Variants in CSMD1 observed in about 807,000 individuals in gnomAD.
CSMD1 encodes CUB and Sushi multiple domains 1.
A neutral mutation model predicts 417.5 loss-of-function variants in CSMD1; 213 were observed. The observed-to-expected ratio is 0.51, with a 90% CI of 0.46 to 0.57. CSMD1 has a LOEUF of 0.57. Ranked by LOEUF, CSMD1 falls within the 20% of genes least tolerant of loss-of-function variation. The probability of loss-of-function intolerance (pLI) is 0.00; values close to 1 mark genes in which losing one functional copy is unlikely to be tolerated. For synonymous variants in CSMD1, 2,862 were observed against 1,736.8 expected, an observed-to-expected ratio of 1.65 and a Z score of -16.11; for missense variants, 6,923 against 4,529.7, an observed-to-expected ratio of 1.53 and a Z score of -15.17.
intron 10 of CSMD1, among the ~76,000 whole-genome samples, chr8:3,559,492 G>A (rs1373937438): frequency 3.3e-5 from 5 of 150,040 alleles, no homozygotes; most frequent in East Asian, 2.0e-4. Context: ...TAAAGGCACC[G>A]TGAAGAAGAA....
intron 1 of CSMD1, among the ~76,000 whole-genome samples, chr8:4,752,098 T>C (rs983350627): frequency 3.3e-5 from 5 of 152,312 alleles, no homozygotes; most frequent in Non-Finnish European, 5.9e-5. Context: ...TGTGTGTACA[T>C]GTATCACATA....
chr8:3,604,820 T>G (rs1360332716), intron 8 of CSMD1, among the ~76,000 whole-genome samples: 1 of 152,116 alleles, frequency 6.6e-6, no homozygotes, highest in African/African-American at 2.4e-5. Flanking sequence ...ATAGCATTTC[T>G]CTCTTGATGA....
intron 36 of CSMD1, among the ~76,000 whole-genome samples, chr8:3,182,422 C>G (rs1430930444): frequency 6.6e-6 from 1 of 152,094 alleles, no homozygotes; most frequent in Non-Finnish European, 1.5e-5. Flanking sequence ...ACCATGTTGG[C>G]CAGGCTGGTC....
chr8:3,798,733 A>C (rs1405558178), intron 5 of CSMD1, among the ~76,000 whole-genome samples: 1 of 152,090 alleles, frequency 6.6e-6, no homozygotes, highest in East Asian at 1.9e-4. Flanking sequence ...CATATACAAA[A>C]ATGTCACTAT....
chr8:3,007,489 T>C (rs1185532169), intron 52 of CSMD1, among the ~76,000 whole-genome samples: 1 of 151,392 alleles, frequency 6.6e-6, no homozygotes, highest in Non-Finnish European at 1.5e-5. Flanking sequence ...TATTGCGGCA[T>C]TATTCACAAT....
intron 3 of CSMD1, among the ~76,000 whole-genome samples, chr8:4,063,517 G>A (rs932051703): frequency 7.9e-5 from 12 of 152,130 alleles, no homozygotes; most frequent in African/African-American, 2.4e-4. Context: ...TATTCTGTGT[G>A]CCACAGTTTT....
chr8:4,566,674 AAAAAG>A (rs1798627325), intron 2 of CSMD1, among the ~76,000 whole-genome samples: 3 of 149,160 alleles, frequency 2.0e-5, no homozygotes, highest in Admixed American at 1.3e-4. Flanking sequence ...AAAAAAAAAA[AAAAAG>A]AAAGCTAGTT....
At chr8:4,489,313 A>G (rs949134641) in intron 2 of CSMD1, among the ~76,000 whole-genome samples, 1 of 152,224 alleles carries the variant, frequency 6.6e-6, no homozygotes, top group Admixed American at 6.5e-5. Flanking sequence ...CAAAGATTCA[A>G]TGCATAAGGA....
intron 10 of CSMD1, among the ~76,000 whole-genome samples, chr8:3,528,921 T>C (rs775646471): frequency 2.0e-5 from 3 of 151,586 alleles, no homozygotes; most frequent in Non-Finnish European, 2.9e-5. Context: ...AAAAATATGA[T>C]AAATAATATA....
chr8:3,209,163 G>C (rs371218233), intron 30 of CSMD1, among the ~76,000 whole-genome samples: 1 of 152,244 alleles, frequency 6.6e-6, no homozygotes, highest in East Asian at 1.9e-4. Flanking sequence ...TTGATAAATA[G>C]TGCTTGTGCC....
intron 1 of CSMD1, among the ~76,000 whole-genome samples, chr8:4,660,782 G>A (rs974328519): frequency 1.3e-5 from 2 of 151,868 alleles, no homozygotes; most frequent in Non-Finnish European, 2.9e-5. Context: ...CAGCCATAAA[G>A]CCAACAATCC....
At chr8:4,304,587 T>C (rs1249565738) in intron 3 of CSMD1, among the ~76,000 whole-genome samples, 2 of 152,122 alleles carry the variant, frequency 1.3e-5, no homozygotes, top group Non-Finnish European at 2.9e-5. Context: ...CTTTGAAATG[T>C]CAAATCCTCT....
intron 4 of CSMD1, 58 bp from the exon 5 acceptor site, chr8:3,998,168 G>A (rs1202277401): frequency 7.0e-7 from 1 of 1,436,312 alleles, no homozygotes; most frequent in East Asian, 2.5e-5. Flanking sequence ...TCATACACGA[G>A]TGTGTCCACC....
intron 3 of CSMD1, among the ~76,000 whole-genome samples, chr8:4,060,380 G>T (rs996802572): frequency 1.3e-5 from 2 of 152,162 alleles, no homozygotes; most frequent in Non-Finnish European, 2.9e-5. Flanking sequence ...TTGCAAACTG[G>T]CACAAGACAG....
chr8:3,031,223 C>T (rs1299035998), intron 50 of CSMD1, among the ~76,000 whole-genome samples: 2 of 148,312 alleles, frequency 1.3e-5, no homozygotes, highest in African/African-American at 5.1e-5. Flanking sequence ...TCACCAAAAA[C>T]ATGCACCGCA....
chr8:4,678,284 A>T (rs562000291), intron 1 of CSMD1, among the ~76,000 whole-genome samples: 6 of 152,092 alleles, frequency 3.9e-5, no homozygotes, highest in African/African-American at 1.4e-4. Context: ...GGTGGCACGC[A>T]CCTGTAGTCC....
At position 4,637,529 on chromosome 8, in the gene CSMD1, G is replaced by T. The variant is rs780409660; in HGVS notation, c.115C>A (p.Pro39Thr). ...CCTGGGCTCTCAATAGTGCCATTGG[G>T]ACCCTGGACTAAGCCTCCACAGTTC... Reference protein sequence around the residue: ...GQNCGGLVQGPNGTIESPGFP... With the variant: ...GQNCGGLVQGTNGTIESPGFP... The change falls in exon 2 of 70, where the codon CCC becomes ACC. Residue 39 changes from proline to threonine, a missense_variant. Pro to Thr is a conservative substitution (Grantham distance 38). Coordinates refer to ENST00000635120, the MANE Select transcript of CSMD1 (RefSeq NM_033225.6). 6 of 1,613,468 alleles carry T rather than the reference G, an allele frequency of 3.7e-6. 1 individual carries two copies. The South Asian group carries it at 5.5e-5, about 15-fold the overall frequency.
intron 10 of CSMD1, among the ~76,000 whole-genome samples, chr8:3,519,806 A>G (rs1797427482): frequency 6.8e-6 from 1 of 147,008 alleles, no homozygotes; most frequent in Admixed American, 7.0e-5. Context: ...ATTAACTGCT[A>G]CATTACTGTT....
chr8:3,838,648 T>C (rs1416490962), intron 5 of CSMD1, among the ~76,000 whole-genome samples: 1 of 122,900 alleles, frequency 8.1e-6, no homozygotes, highest in Non-Finnish European at 1.6e-5. Flanking sequence ...ATTAATATTA[T>C]ATAGTATAAT....
Sources: gnomAD v4.1 joint callset for allele counts (sites outside exome capture counted in the v4.1 genomes callset) on GRCh38, gnomAD v4.1.1 for gene constraint, MANE v1.5 for transcripts, NCBI Gene and HGNC (gene_info 2026-07-23, HGNC 2026-07-21) for gene names.